Variants in ZC3H12B observed in about 807,000 individuals in gnomAD.
The protein encoded by ZC3H12B is probable ribonuclease ZC3H12B.
In ZC3H12B, 7 loss-of-function variants were observed where a neutral mutation model predicts 43.9. The observed-to-expected ratio is 0.16, with a 90% confidence interval of 0.09 to 0.30. The LOEUF (loss-of-function observed/expected upper bound fraction) is 0.30. Among genes scored for constraint, ZC3H12B ranks in the 10% least tolerant of loss-of-function variants. The probability of loss-of-function intolerance (pLI) is 1.00; values close to 1 mark genes in which losing one functional copy is unlikely to be tolerated. For missense variants in ZC3H12B, 475 were observed against 670.2 expected, an observed-to-expected ratio of 0.71 and a Z score of 3.22; for synonymous variants, 222 against 241.7, an observed-to-expected ratio of 0.92 and a Z score of 0.76.
At chrX:65,342,029 G>A in the ZC3H12B span, among the ~76,000 whole-genome samples, 1 of 110,809 alleles carries the variant, frequency 9.0e-6, no homozygotes, top group Non-Finnish European at 1.9e-5. Flanking sequence ...AGTCTCACAT[G>A]GAATGACAAA....
chrX:65,456,481 G>GATGCCGAGCCAAAGCTGGACGGTACTGCT, intron 3 of ZC3H12B, among the ~76,000 whole-genome samples: 1 of 90,019 alleles, frequency 1.1e-5, no homozygotes, highest in Non-Finnish European at 2.1e-5. Flanking sequence ...GTCTCCCTCT[G>GATGCCGAGCCAAAGCTGGACGGTACTGCT]ATGCCGAGCC....
At chrX:65,323,697 G>A in the ZC3H12B span, among the ~76,000 whole-genome samples, 122 of 111,767 alleles carry the variant, frequency 1.1e-3, no homozygotes, top group African/African-American at 3.9e-3. Context: ...ATTATCCCTT[G>A]GGTATATACC....
chrX:65,397,764 C>G (rs765486265), intron 2 of ZC3H12B, among the ~76,000 whole-genome samples: 4 of 111,636 alleles, frequency 3.6e-5, no homozygotes, highest in Non-Finnish European at 7.5e-5. Context: ...CAGCATAGTA[C>G]TAGAAGTCCA....
intron 3 of ZC3H12B, chrX:65,408,421 GGTGACCATGGCAGA>G (rs1319054808): frequency 8.3e-7 from 1 of 1,206,606 alleles, no homozygotes; most frequent in Non-Finnish European, 1.1e-6. Context: ...GTGCCAAACA[GGTGACCATGGCAGA>G]GTTGAATGCC....
chrX:65,483,115 G>C (rs946842307), intron 3 of ZC3H12B, among the ~76,000 whole-genome samples: 1 of 111,891 alleles, frequency 8.9e-6, no homozygotes, highest in Non-Finnish European at 1.9e-5. Context: ...AGAATGCATT[G>C]AAGGTAAAAT....
chrX:65,195,026 T>G, the ZC3H12B span, among the ~76,000 whole-genome samples: 1 of 111,416 alleles, frequency 9.0e-6, no homozygotes, highest in Non-Finnish European at 1.9e-5. Context: ...AATATCTTTT[T>G]CCTTTATTTT....
chrX:65,044,290 C>G, the ZC3H12B span, among the ~76,000 whole-genome samples: 3 of 111,138 alleles, frequency 2.7e-5, no homozygotes, highest in African/African-American at 9.8e-5. Flanking sequence ...TGCAATGGCC[C>G]TGAGGTGGGA....
chrX:65,162,605 C>G, the ZC3H12B span, among the ~76,000 whole-genome samples: 170 of 112,101 alleles, frequency 1.5e-3, 1 homozygote, highest in Non-Finnish European at 2.9e-3. Flanking sequence ...CGAGTCTTGG[C>G]TTTCAGCTCC....
the ZC3H12B span, among the ~76,000 whole-genome samples, chrX:65,283,579 C>A: frequency 8.9e-6 from 1 of 111,892 alleles, no homozygotes; most frequent in Non-Finnish European, 1.9e-5. Flanking sequence ...AAAACCCCAT[C>A]ATCTCAGTCC....
At chrX:65,212,263 TTA>T in the ZC3H12B span, among the ~76,000 whole-genome samples, 5 of 46,378 alleles carry the variant, frequency 1.1e-4, no homozygotes, top group Non-Finnish European at 1.3e-4. Flanking sequence ...ATATAATATA[TTA>T]TATAATATAT....
chrX:65,148,201 T>G, the ZC3H12B span, among the ~76,000 whole-genome samples: 2 of 110,945 alleles, frequency 1.8e-5, no homozygotes, highest in African/African-American at 6.6e-5. Context: ...GATGCTAAGG[T>G]GGGCCTGAAG....
the ZC3H12B span, among the ~76,000 whole-genome samples, chrX:65,070,580 A>G: frequency 7.2e-5 from 8 of 110,377 alleles, no homozygotes; most frequent in Admixed American, 5.8e-4. Flanking sequence ...AGTGCTATAA[A>G]TTTCCCTCTT....
chrX:65,462,605 T>C (rs73520206), intron 3 of ZC3H12B, among the ~76,000 whole-genome samples: 9,401 of 112,132 alleles, frequency 0.084, 1,049 homozygotes, highest in African/African-American at 0.29. Flanking sequence ...CCTGAAGTTG[T>C]GTAGCTTGAA....
the ZC3H12B span, among the ~76,000 whole-genome samples, chrX:65,088,714 T>A: frequency 0.082 from 9,175 of 111,489 alleles, 1,024 homozygotes; most frequent in African/African-American, 0.29. Context: ...TAATTCCTCT[T>A]CTACCTGATA....
chrX:65,125,410 CTT>C, the ZC3H12B span, among the ~76,000 whole-genome samples: 3 of 111,158 alleles, frequency 2.7e-5, no homozygotes, highest in African/African-American at 9.8e-5. Flanking sequence ...TATGGACTAT[CTT>C]ATATCTTGAA....
At chrX:65,453,960 A>G (rs1027679796) in intron 3 of ZC3H12B, among the ~76,000 whole-genome samples, 2 of 112,118 alleles carry the variant, frequency 1.8e-5, no homozygotes, top group African/African-American at 6.5e-5. Flanking sequence ...CACATTGGGT[A>G]CAGTGTACAC....
the ZC3H12B span, among the ~76,000 whole-genome samples, chrX:65,343,719 T>C: frequency 1.8e-5 from 2 of 112,200 alleles, no homozygotes; most frequent in East Asian, 5.6e-4. Context: ...GCCAACATCA[T>C]ACTTAAGGGG....
chrX:65,161,752 G>T, the ZC3H12B span, among the ~76,000 whole-genome samples: 9 of 111,938 alleles, frequency 8.0e-5, no homozygotes, highest in East Asian at 2.5e-3. Flanking sequence ...GGAGCATTTA[G>T]TCCATTTACA....
chrX:65,284,855 A>G, the ZC3H12B span, among the ~76,000 whole-genome samples: 2 of 112,021 alleles, frequency 1.8e-5, no homozygotes, highest in Non-Finnish European at 3.8e-5. Context: ...AATAAAAACT[A>G]TATTTGAAAG....
Sources: allele counts gnomAD v4.1 joint callset (sites outside exome capture counted in the v4.1 genomes callset), GRCh38; gene constraint gnomAD v4.1.1; transcripts MANE v1.5; gene names NCBI Gene and HGNC (gene_info 2026-07-23, HGNC 2026-07-21).